Variants in MED31 observed in about 807,000 individuals in gnomAD.
The protein encoded by MED31 is mediator complex subunit 31.
Under a neutral mutation model 22.0 loss-of-function variants are expected in MED31, and 11 were observed. That is an observed-to-expected ratio of 0.50 (90% CI 0.31 to 0.83). The LOEUF is 0.83. Ranked by LOEUF, MED31 falls within the 40% of genes least tolerant of loss-of-function variation. The pLI is 0.04. For missense variants in MED31, 122 were observed against 155.3 expected (o/e 0.79, Z 1.14); for synonymous variants, 60 against 55.1 (o/e 1.09, Z -0.40).
chr17:6,646,922 A>G (rs901627078), intron 3 of MED31, among the ~76,000 whole-genome samples: 1 of 152,182 alleles, frequency 6.6e-6, no homozygotes, highest in African/African-American at 2.4e-5. Flanking sequence ...GACCATTCCC[A>G]TTCGTTCTAT....
chr17:6,649,086 A>G (rs1972798437), intron 3 of MED31, among the ~76,000 whole-genome samples: 1 of 152,156 alleles, frequency 6.6e-6, no homozygotes, highest in African/African-American at 2.4e-5. Context: ...TGGACACAGA[A>G]AAGTGACTTT....
At chr17:6,646,986 A>C (rs1287062676) in intron 3 of MED31, among the ~76,000 whole-genome samples, 1 of 152,260 alleles carries the variant, frequency 6.6e-6, no homozygotes, top group Non-Finnish European at 1.5e-5. Flanking sequence ...GCTGGCAGCA[A>C]TACTGCTTTG....
chr17:6,649,938 T>C (rs1416598622), intron 3 of MED31, 44 bp downstream of exon 3: 2 of 1,497,344 alleles, frequency 1.3e-6, no homozygotes, highest in Non-Finnish European at 1.8e-6. Context: ...ATCTATTATA[T>C]AATAAAGTAT....
chr17:6,643,940 A>G lies in MED31; in HGVS notation c.*527T>C. On this transcript the variant is annotated 3_prime_UTR_variant, in exon 4 of 4. Coordinates refer to ENST00000225728, the MANE Select transcript of MED31 (RefSeq NM_016060.3). ...CAGTGATTCTTAAAGCCACCTTGCA[A>G]AGCAGGTAATACAGTTATTTCCTGT... is the stretch of plus-strand genomic sequence containing the variant. The G allele has an allele frequency of 2.5e-6, 1 of 395,534 alleles. No homozygotes were observed. The allele number at this position is 395,534 out of a possible 1,614,324, so 24.5% of individuals were successfully genotyped here.
At chr17:6,648,082 T>G (rs1029631323) in intron 3 of MED31, among the ~76,000 whole-genome samples, 1 of 152,232 alleles carries the variant, frequency 6.6e-6, no homozygotes, top group Non-Finnish European at 1.5e-5. Context: ...GTTGACATAA[T>G]GCTTCCAGCA....
Position 6,644,529 on chromosome 17 carries a change from G to A in MED31, c.334C>T (p.Arg112Trp), listed in dbSNP as rs758426979. The change falls in exon 4 of 4, where the codon CGG (arginine) becomes TGG (tryptophan). Residue 112 changes from arginine (R) to tryptophan (W), a missense_variant. Coordinates refer to ENST00000225728, the MANE Select transcript of MED31 (RefSeq NM_016060.3). Reference protein sequence around the residue: ...ILHWQHYSRKRMRLQQALAEQ... With the variant: ...ILHWQHYSRKWMRLQQALAEQ... Reference sequence around the variant, plus strand: ...GCCAAGGCTTGCTGAAGGCGCATCCGCTTCCGGGAATAGTGCTGCCAATGT... The same window carrying A: ...GCCAAGGCTTGCTGAAGGCGCATCCACTTCCGGGAATAGTGCTGCCAATGT... 1.2e-6 allele frequency: 2 copies of A among 1,612,694 alleles called. No individual in the cohort carries two copies. Among genetic ancestry groups the A allele is most frequent in the African/African-American group, 1.3e-5 (1 of 74,962 alleles).
chr17:6,651,345 G>C, intron 1 of MED31, 156 bp downstream of exon 1: 1 of 1,017,806 alleles, frequency 9.8e-7, no homozygotes, highest in Non-Finnish European at 1.4e-6. Context: ...ACTGCAAAGA[G>C]TACCTTAGTC....
chr17:6,644,223 G>A lies in MED31; in HGVS notation c.*244C>T. On this transcript the variant is annotated 3_prime_UTR_variant, in exon 4 of 4. Coordinates refer to ENST00000225728, the MANE Select transcript of MED31 (RefSeq NM_016060.3). Reference sequence around the variant, plus strand: ...CACCTAACTTTTCCATTCTTAATCAGCTGATTATGCTAAATGCGTAAAAAA... The same window carrying A: ...CACCTAACTTTTCCATTCTTAATCAACTGATTATGCTAAATGCGTAAAAAA... 2.0e-6 allele frequency: 1 copy of A among 502,564 alleles called. No individual in the cohort carries two copies. Among genetic ancestry groups the A allele is most frequent in the Non-Finnish European group, 3.4e-6 (1 of 298,474 alleles). 31.1% of individuals were successfully genotyped at this position (502,564 alleles called of 1,614,324 possible).
chr17:6,644,050 A>G lies in MED31; in HGVS notation c.*417T>C. ...CTCCGCTACTCTCACTACATCTTAG[A>G]GTAGAGTGGTAGAGTAGTTGATCTG... On this transcript the variant is annotated 3_prime_UTR_variant, in exon 4 of 4. Transcript: ENST00000225728. The G allele has an allele frequency of 2.5e-6, 1 of 403,484 alleles. No individual in the cohort carries two copies. Among genetic ancestry groups the G allele is most frequent in the Non-Finnish European group, 4.4e-6 (1 of 228,862 alleles). The allele number at this position is 403,484 out of a possible 1,614,324, so 25.0% of individuals were successfully genotyped here. A position where few individuals can be genotyped will look rare whatever the true frequency, so the allele number is the denominator to read the frequency against.
At chr17:6,650,856 G>T (rs922091400) in intron 1 of MED31, among the ~76,000 whole-genome samples, 3 of 152,250 alleles carry the variant, frequency 2.0e-5, no homozygotes, top group Admixed American at 2.0e-4. Flanking sequence ...GCAAGAGACT[G>T]CGGAGAGCCT....
Position 6,650,346 on chromosome 17 carries a change from A to G in MED31, c.106+10T>C. On this transcript the variant is annotated intron_variant, in intron 2 of 3. Coordinates refer to ENST00000225728, the MANE Select transcript of MED31 (RefSeq NM_016060.3). Reference sequence around the variant, plus strand: ...AGCTACTCAATTTAATGAGGTGCTTAACAACTTACAATTAAGGTAATTTGG... The same window carrying G: ...AGCTACTCAATTTAATGAGGTGCTTGACAACTTACAATTAAGGTAATTTGG... The G allele has an allele frequency of 6.2e-7, 1 of 1,612,398 alleles. No individual in the cohort carries two copies. The highest frequency in any genetic ancestry group is 1.1e-5 in the South Asian group (1 of 90,732).
At position 6,650,452 on chromosome 17, in the gene MED31, A is replaced by G. The variant is rs750185288; in HGVS notation, c.29-19T>C. 1 of 1,610,626 alleles carries G rather than the reference A, an allele frequency of 6.2e-7. No homozygotes were observed. The highest frequency in any genetic ancestry group is 1.3e-5 in the African/African-American group (1 of 74,832). On this transcript the variant is annotated intron_variant, in intron 1 of 3. Transcript: ENST00000225728. Reference sequence around the variant, plus strand: ...GCATCATCTAGGAGACAAGACAGCAAAAATCATGGAAAACAAAGGTCACTG... The same window carrying G: ...GCATCATCTAGGAGACAAGACAGCAGAAATCATGGAAAACAAAGGTCACTG...
chr17:6,650,513 A>G, intron 1 of MED31, 80 bp from the exon 2 acceptor site: 3 of 1,314,612 alleles, frequency 2.3e-6, no homozygotes, highest in Admixed American at 4.0e-5. Flanking sequence ...AAAGAGCAAT[A>G]AAGAAACCTG....
At chr17:6,644,729 T>C (rs1203060392) in intron 3 of MED31, 70 bp from the exon 4 acceptor site, 2 of 1,452,926 alleles carry the variant, frequency 1.4e-6, no homozygotes, top group Non-Finnish European at 1.8e-6. Context: ...AATTCAGTTA[T>C]TCTCTTAAAA....
chr17:6,649,085 A>G (rs569967271), intron 3 of MED31, among the ~76,000 whole-genome samples: 68 of 152,232 alleles, frequency 4.5e-4, no homozygotes, highest in Non-Finnish European at 3.4e-4. Context: ...TTGGACACAG[A>G]AAAGTGACTT....
At chr17:6,646,678 C>T (rs1972771243) in intron 3 of MED31, among the ~76,000 whole-genome samples, 2 of 152,346 alleles carry the variant, frequency 1.3e-5, no homozygotes, top group Admixed American at 6.5e-5. Context: ...TGCGGAAGGC[C>T]GCAGGGACCC....
chr17:6,650,881 C>T (rs563765184), intron 1 of MED31, among the ~76,000 whole-genome samples: 1 of 152,056 alleles, frequency 6.6e-6, no homozygotes, highest in African/African-American at 2.4e-5. Context: ...GATCATGCAG[C>T]GCATGCATAT....
In MED31 at chr17:6,643,970, C is replaced by T. The variant is rs1024093387; in HGVS notation, c.*497G>A. On this transcript the variant is annotated 3_prime_UTR_variant, in exon 4 of 4. Coordinates refer to ENST00000225728, the MANE Select transcript of MED31 (RefSeq NM_016060.3). ...GGTAATACAGTTATTTCCTGTCCTG[C>T]AGAATTCAAGAACCTTTATGCAGTT... 1 of 397,222 alleles carries T rather than the reference C, an allele frequency of 2.5e-6. No homozygotes were observed. The highest frequency in any genetic ancestry group is 4.4e-6 in the Non-Finnish European group (1 of 225,652). 24.6% of individuals were successfully genotyped at this position (397,222 alleles called of 1,614,324 possible).
In MED31 at chr17:6,651,387, T is replaced by C; in HGVS notation, c.28+114A>G. 3 of 1,375,102 alleles carry C rather than the reference T, an allele frequency of 2.2e-6. No homozygotes were observed. In the South Asian group the frequency reaches 3.9e-5, roughly 18 times the overall value. The allele number at this position is 1,375,102 out of a possible 1,614,324, so 85.2% of individuals were successfully genotyped here. A position where few individuals can be genotyped will look rare whatever the true frequency, so the allele number is the denominator to read the frequency against. ...GACGCTACAAGAGCCTTCTCTCCTC[T>C]CTGTCCAAATATTAACCCTGCCAAG... On this transcript the variant is annotated intron_variant, in intron 1 of 3. Transcript: ENST00000225728.
Sources: allele counts gnomAD v4.1 joint callset (sites outside exome capture counted in the v4.1 genomes callset), GRCh38; gene constraint gnomAD v4.1.1; transcripts MANE v1.5; gene names NCBI Gene and HGNC (gene_info 2026-07-23, HGNC 2026-07-21).